The following MAPK10 variants were observed in gnomAD, a reference collection of about 807,000 sequenced individuals.
The protein encoded by MAPK10 is mitogen-activated protein kinase 10.
Under a neutral mutation model 59.3 loss-of-function variants are expected in MAPK10, and 25 were observed. The observed-to-expected ratio is 0.42, with a 90% CI of 0.31 to 0.59. The LOEUF is 0.59. Ranked by LOEUF, MAPK10 falls within the 20% of genes least tolerant of loss-of-function variation. The pLI is 0.15. For missense variants in MAPK10, 351 were observed against 568.9 expected (o/e 0.62, Z 3.90); for synonymous variants, 190 against 200.5 (o/e 0.95, Z 0.44).
chr4:86,073,100 C>G (rs1442974141), intron 9 of MAPK10, among the ~76,000 whole-genome samples: 1 of 97,856 alleles, frequency 1.0e-5, no homozygotes, highest in Non-Finnish European at 2.2e-5. Flanking sequence ...AGAGATTCAA[C>G]TTCTTCCTGG....
At position 86,098,615 on chromosome 4, in the gene MAPK10, G is replaced by A. The variant is rs2054677361; in HGVS notation, c.731-20C>T. The A allele has an allele frequency of 1.3e-6, 2 of 1,577,232 alleles. No individual in the cohort carries two copies. The highest frequency in any genetic ancestry group is 1.3e-5 in the African/African-American group (1 of 74,122). ...TATCCACTAGAACAGGAGAGAGAGG[G>A]TAGTGAAGAAAAGGGAGGAAAGTAA... is the stretch of plus-strand genomic sequence containing the variant. On this transcript the variant is annotated intron_variant, in intron 8 of 13. Coordinates refer to ENST00000641462, the MANE Select transcript of MAPK10 (RefSeq NM_138982.4).
At chr4:86,553,153 T>G (rs904237367) in intron 1 of MAPK10, among the ~76,000 whole-genome samples, 2 of 152,142 alleles carry the variant, frequency 1.3e-5, no homozygotes, top group South Asian at 4.1e-4. Context: ...TTAGAATTTA[T>G]GAGAAGACTC....
At chr4:86,064,881 C>G (rs2046424151) in intron 10 of MAPK10, 1 of 152,226 alleles carries the variant, frequency 6.6e-6, no homozygotes, top group Non-Finnish European at 1.5e-5. Flanking sequence ...ACAAATTTTT[C>G]TTTTCTTTTT....
intron 11 of MAPK10, among the ~76,000 whole-genome samples, chr4:86,049,858 T>C (rs2043188755): frequency 6.6e-6 from 1 of 152,142 alleles, no homozygotes; most frequent in Admixed American, 6.6e-5. Flanking sequence ...TCAGAAAGAA[T>C]GATCTACCTA....
intron 9 of MAPK10, chr4:86,080,128 C>T (rs2050329948): frequency 6.6e-6 from 1 of 151,490 alleles, no homozygotes; most frequent in Non-Finnish European, 1.5e-5. Context: ...TATTTTATGT[C>T]CAGAGTTTTG....
chr4:86,090,302 T>TA (rs1267167876), intron 9 of MAPK10: 1 of 152,140 alleles, frequency 6.6e-6, no homozygotes, highest in Non-Finnish European at 1.5e-5. Context: ...TTGCTCCACT[T>TA]ACTTTTCAAA....
intron 4 of MAPK10, among the ~76,000 whole-genome samples, chr4:86,138,383 A>C (rs2062746380): frequency 1.1e-5 from 1 of 90,744 alleles, no homozygotes; most frequent in Non-Finnish European, 2.3e-5. Flanking sequence ...GGTTCAATAT[A>C]CGCAAATCAA....
intron 1 of MAPK10, among the ~76,000 whole-genome samples, chr4:86,435,222 C>T (rs186049903): frequency 3.9e-5 from 6 of 152,066 alleles, no homozygotes; most frequent in South Asian, 4.2e-4. Flanking sequence ...TGAGGCCAGG[C>T]GCAGTGGCTC....
At chr4:86,271,347 C>A (rs570736490) in intron 2 of MAPK10, among the ~76,000 whole-genome samples, 31 of 151,842 alleles carry the variant, frequency 2.0e-4, no homozygotes, top group Non-Finnish European at 3.4e-4. Flanking sequence ...AGTCCTTTGC[C>A]CCATTTCTTC....
intron 3 of MAPK10, among the ~76,000 whole-genome samples, chr4:86,179,835 C>G (rs2076500136): frequency 6.6e-6 from 1 of 151,960 alleles, no homozygotes; most frequent in Non-Finnish European, 1.5e-5. Flanking sequence ...CAAAATACAA[C>G]TCAAGATAGA....
intron 1 of MAPK10, among the ~76,000 whole-genome samples, chr4:86,578,800 G>A (rs1050514923): frequency 7.3e-5 from 11 of 151,566 alleles, no homozygotes; most frequent in Non-Finnish European, 1.3e-4. Context: ...CTTGATTGAC[G>A]TCTTGCACCT....
rs17011774 is a variant in MAPK10, at chr4:86,343,313, A to T, written c.-7+11217T>A. Among the ~76,000 whole-genome samples, 1,375 of 152,254 alleles carry T rather than the reference A, an allele frequency of 9.0e-3. 13 individuals carry two copies. Among genetic ancestry groups the T allele is most frequent in the African/African-American group, 0.031 (1,300 of 41,536 alleles). ...GGACTACAGGGACTTATGAAAGTAC[A>T]TCCCTCTTGTTAGAACGTTCTGTCA... On this transcript the variant is annotated intron_variant, in intron 2 of 13. Transcript: ENST00000641462.
At chr4:86,463,585 G>A (rs906440089) in intron 1 of MAPK10, among the ~76,000 whole-genome samples, 3 of 152,088 alleles carry the variant, frequency 2.0e-5, no homozygotes, top group African/African-American at 7.2e-5. Flanking sequence ...AATTCAGACT[G>A]CTACTCCTTA....
intron 2 of MAPK10, among the ~76,000 whole-genome samples, chr4:86,292,368 G>C (rs1048107814): frequency 6.6e-6 from 1 of 152,050 alleles, no homozygotes; most frequent in African/African-American, 2.4e-5. Flanking sequence ...CAATGTGTAG[G>C]AAGAAAAAAC....
chr4:86,315,046 A>C (rs866205585), intron 2 of MAPK10, among the ~76,000 whole-genome samples: 5 of 152,342 alleles, frequency 3.3e-5, no homozygotes, highest in South Asian at 2.1e-4. Context: ...TATACATTAC[A>C]ATAGATGAAT....
chr4:86,545,877 T>C (rs1361317269), intron 1 of MAPK10, among the ~76,000 whole-genome samples: 2 of 152,232 alleles, frequency 1.3e-5, no homozygotes, highest in East Asian at 3.8e-4. Context: ...CTGATATTGT[T>C]AAAGCAAACC....
chr4:86,451,135 G>A (rs1419920714), intron 1 of MAPK10, among the ~76,000 whole-genome samples: 5 of 152,098 alleles, frequency 3.3e-5, no homozygotes, highest in Non-Finnish European at 5.9e-5. Flanking sequence ...AGTACAAACC[G>A]CTAATAATGG....
intron 1 of MAPK10, among the ~76,000 whole-genome samples, chr4:86,590,655 G>A (rs1762975049): frequency 6.6e-6 from 1 of 151,950 alleles, no homozygotes; most frequent in Non-Finnish European, 1.5e-5. Flanking sequence ...GCATGGTGGT[G>A]TGCACCTGTA....
chr4:86,381,867 C>A (rs1740765646), intron 1 of MAPK10, among the ~76,000 whole-genome samples: 2 of 152,080 alleles, frequency 1.3e-5, no homozygotes, highest in South Asian at 4.2e-4. Context: ...AGAAGAGTCA[C>A]CCGTTTTGTG....
Sources: allele counts gnomAD v4.1 joint callset (sites outside exome capture counted in the v4.1 genomes callset), GRCh38; gene constraint gnomAD v4.1.1; transcripts MANE v1.5; gene names NCBI Gene and HGNC (gene_info 2026-07-23, HGNC 2026-07-21).